Variants in ASXL3 observed in about 807,000 individuals in gnomAD.
ASXL3 encodes putative Polycomb group protein ASXL3.
A neutral mutation model predicts 170.6 loss-of-function variants in ASXL3; 34 were observed. That is an observed-to-expected ratio of 0.20 (90% CI 0.15 to 0.27). ASXL3 has a LOEUF of 0.27. Among genes scored for constraint, ASXL3 ranks in the 10% least tolerant of loss-of-function variants. The pLI is 1.00. For synonymous variants in ASXL3, 1,002 were observed against 989.1 expected (o/e 1.01, Z -0.24); for missense variants, 2,592 against 2,695.3 (o/e 0.96, Z 0.85).
intron 8 of ASXL3, among the ~76,000 whole-genome samples, chr18:33,685,343 A>G (rs2066576681): frequency 6.6e-6 from 1 of 152,212 alleles, no homozygotes; most frequent in South Asian, 2.1e-4. Flanking sequence ...CAGTAGTCAC[A>G]ATTTTACATT....
chr18:33,744,715 ACTCACT>A lies in ASXL3; in HGVS notation c.4869_4874del (p.His1624_Ser1625del). 1 of 1,613,044 alleles carries A rather than the reference ACTCACT, an allele frequency of 6.2e-7. No homozygotes were observed. The highest frequency in any genetic ancestry group is 8.5e-7 in the Non-Finnish European group (1 of 1,179,402). ...GAGGAGCACAGGACAGCCTCTGGTT[ACTCACT>A]CGGGTTCAAGTAAACAAAAAGAATA... On this transcript the variant is annotated inframe_deletion, in exon 12 of 12. Transcript: ENST00000269197.
intron 8 of ASXL3, among the ~76,000 whole-genome samples, chr18:33,717,142 G>C (rs987357915): frequency 6.6e-6 from 1 of 152,204 alleles, no homozygotes; most frequent in East Asian, 1.9e-4. Flanking sequence ...CTGAGTAATA[G>C]GACTGATTTT....
At chr18:33,602,264 T>C (rs2065191639) in intron 1 of ASXL3, among the ~76,000 whole-genome samples, 1 of 152,032 alleles carries the variant, frequency 6.6e-6, no homozygotes, top group Non-Finnish European at 1.5e-5. Context: ...ATGAAACCAG[T>C]CCCTGGTGCC....
Position 33,746,358 on chromosome 18 carries a change from A to C in ASXL3, c.6510A>C (p.Ala2170=). 1 of 1,613,994 alleles carries C rather than the reference A, an allele frequency of 6.2e-7. No homozygotes were observed. The highest frequency in any genetic ancestry group is 1.1e-5 in the South Asian group (1 of 91,080). ...CGAGTTTCAAAAGGGCAGCATCTGC[A>C]ATTGAAAAGTCCATTGGGATTTTGG... ...GSTSFKRAAS[A]IEKSIGILGS... The change falls in exon 12 of 12, where the codon GCA becomes GCC. Residue 2170 remains alanine, a synonymous_variant. Transcript: ENST00000269197.
In ASXL3 at chr18:33,745,137, G is replaced by T. The variant is rs1266416107; in HGVS notation, c.5289G>T (p.Val1763=). ...LLQGNLPLEK[V]LPQPRLGAKL... is the part of the protein sequence containing the mutation. Reference sequence around the variant, plus strand: ...AGGGCAACCTGCCTTTGGAAAAAGTGTTGCCACAGCCCAGATTGGGAGCCA... The same window carrying T: ...AGGGCAACCTGCCTTTGGAAAAAGTTTTGCCACAGCCCAGATTGGGAGCCA... The change falls in exon 12 of 12, where the codon GTG becomes GTT. Residue 1763 remains valine, a synonymous_variant. Transcript: ENST00000269197. 1.1e-5 allele frequency: 17 copies of T among 1,613,882 alleles called. No individual in the cohort carries two copies. The highest frequency in any genetic ancestry group is 1.4e-5 in the Non-Finnish European group (17 of 1,179,910).
intron 2 of ASXL3, among the ~76,000 whole-genome samples, chr18:33,611,592 C>T (rs796399137): frequency 1.2e-4 from 19 of 152,094 alleles, no homozygotes; most frequent in African/African-American, 3.9e-4. Flanking sequence ...CTTCTATAGA[C>T]GGGATTAAAA....
At chr18:33,648,379 G>A (rs1347389724) in intron 4 of ASXL3, among the ~76,000 whole-genome samples, 1 of 152,096 alleles carries the variant, frequency 6.6e-6, no homozygotes, top group Non-Finnish European at 1.5e-5. Context: ...GTGAGTGTAA[G>A]ATAGAGAAAG....
intron 4 of ASXL3, among the ~76,000 whole-genome samples, chr18:33,651,104 C>T (rs2065990427): frequency 6.6e-6 from 1 of 152,134 alleles, no homozygotes; most frequent in South Asian, 2.1e-4. Flanking sequence ...AGTAGCCAGT[C>T]ATCATTGGTA....
chr18:33,743,651 A>T lies in ASXL3; in HGVS notation c.3803A>T (p.Asp1268Val). Residue 1268 changes from aspartate (D) to valine (V), a missense_variant, in exon 12 of 12, where the codon GAC becomes GTC. Coordinates refer to ENST00000269197, the MANE Select transcript of ASXL3 (RefSeq NM_030632.3). ...AAATCCTCTGTCCTAATGTCTGTTG[A>T]CAGTGCAAACACTACAATTTCTGCT... ...VDKSSVLMSV[D>V]SANTTISACN... 6.2e-7 allele frequency: 1 copy of T among 1,613,794 alleles called. No homozygotes were observed. Among genetic ancestry groups the T allele is most frequent in the Non-Finnish European group, 8.5e-7 (1 of 1,179,886 alleles).
At chr18:33,609,408 ACT>A (rs1364443779) in intron 2 of ASXL3, among the ~76,000 whole-genome samples, 1 of 151,844 alleles carries the variant, frequency 6.6e-6, no homozygotes, top group Non-Finnish European at 1.5e-5. Context: ...CACAGGAATG[ACT>A]CTGCTGTTAT....
In ASXL3 at chr18:33,746,563, A is replaced by G. The variant is rs933358609; in HGVS notation, c.6715A>G (p.Lys2239Glu). The G allele has an allele frequency of 6.3e-6, 10 of 1,597,718 alleles. No homozygotes were observed. Among genetic ancestry groups the G allele is most frequent in the Non-Finnish European group, 5.1e-6 (6 of 1,168,814 alleles). The change falls in exon 12 of 12, where the codon AAA becomes GAA. Residue 2239 changes from lysine to glutamate, a missense_variant. Lys to Glu is a moderately conservative substitution (Grantham distance 56). Around this residue, in one of 4 missense-constraint regions of ASXL3, gnomAD observed 22 missense variants for 51.1 expected, o/e 0.43. Transcript: ENST00000269197. ...FCHDDCIGPS[K>E]LCVACLVVR Reference sequence around the variant, plus strand: ...CCATGACGACTGCATAGGTCCTTCAAAACTTTGTGTAGCATGCCTGGTTGT... The same window carrying G: ...CCATGACGACTGCATAGGTCCTTCAGAACTTTGTGTAGCATGCCTGGTTGT...
In ASXL3 at chr18:33,652,603, C is replaced by CAAAAAAAAAAAAAAAAAAAA. The variant is rs554834298; in HGVS notation, c.355+6263_355+6264insAAAAAAAAAAAAAAAAAAAA. 2.6e-4 allele frequency among the ~76,000 whole-genome samples: 29 copies of CAAAAAAAAAAAAAAAAAAAA among 112,306 alleles called. 1 individual carries two copies. The highest frequency in any genetic ancestry group is 9.7e-4 in the African/African-American group (28 of 28,746). 73.7% of individuals were successfully genotyped at this position (112,306 alleles called of 152,430 possible). On this transcript the variant is annotated intron_variant, in intron 4 of 11. Transcript: ENST00000269197. Reference sequence around the variant, plus strand: ...AGTATTTTAAAAGTTTCTGTTGGGGCAAAAAAAAAAAAAGAACATGAATCT... The same window carrying CAAAAAAAAAAAAAAAAAAAA: ...AGTATTTTAAAAGTTTCTGTTGGGGCAAAAAAAAAAAAAAAAAAAAAAAAAAAAAAAAAGAACATGAATCT...
intron 4 of ASXL3, among the ~76,000 whole-genome samples, chr18:33,659,193 T>G (rs1255623525): frequency 1.3e-5 from 2 of 152,090 alleles, no homozygotes; most frequent in Admixed American, 6.6e-5. Context: ...CTCAATTACA[T>G]GTACACTGGG....
At chr18:33,650,119 A>G (rs1313622659) in intron 4 of ASXL3, among the ~76,000 whole-genome samples, 3 of 152,118 alleles carry the variant, frequency 2.0e-5, no homozygotes, top group Non-Finnish European at 4.4e-5. Flanking sequence ...TGCATAAGAT[A>G]TTAGAGAATC....
At chr18:33,580,392 A>T (rs1169142264) in intron 1 of ASXL3, among the ~76,000 whole-genome samples, 2 of 152,238 alleles carry the variant, frequency 1.3e-5, no homozygotes, top group African/African-American at 2.4e-5. Flanking sequence ...AAGGCTTCTG[A>T]AAATGCATTA....
chr18:33,630,448 A>G (rs2145170699), intron 2 of ASXL3, among the ~76,000 whole-genome samples: 1 of 152,060 alleles, frequency 6.6e-6, no homozygotes, highest in African/African-American at 2.4e-5. Context: ...ACTTCTAATC[A>G]AAATGGAAAC....
intron 1 of ASXL3, among the ~76,000 whole-genome samples, chr18:33,589,841 C>T (rs1307961771): frequency 6.6e-6 from 1 of 152,128 alleles, no homozygotes; most frequent in African/African-American, 2.4e-5. Context: ...TTATGTGCTT[C>T]ATGCTGAACT....
At chr18:33,690,825 G>A (rs1440884871) in intron 8 of ASXL3, among the ~76,000 whole-genome samples, 1 of 152,118 alleles carries the variant, frequency 6.6e-6, no homozygotes, top group East Asian at 1.9e-4. Context: ...GACTCTTGAT[G>A]ACAGGCCACC....
At position 33,731,983 on chromosome 18, in the gene ASXL3, A is replaced by T. The variant is rs762844143; in HGVS notation, c.895A>T (p.Ile299Phe). 1.2e-6 allele frequency: 2 copies of T among 1,612,170 alleles called. No homozygotes were observed. Among genetic ancestry groups the T allele is most frequent in the East Asian group, 4.5e-5 (2 of 44,858 alleles). Residue 299 changes from isoleucine (I) to phenylalanine (F), a missense_variant, in exon 9 of 12, where the codon ATT becomes TTT. Physicochemically the swap from Ile to Phe is conservative, Grantham distance 21. Around this residue, in one of 4 missense-constraint regions of ASXL3, gnomAD observed 73 missense variants for 142.7 expected, o/e 0.51. Transcript: ENST00000269197. ...ATTTTCCTAGATGGGAAGTGATGGA[A>T]TTTTACGCCTCAGTACTTCAGCTCT... ...EVDRQMGSDG[I>F]LRLSTSALNN...
Sources: allele counts gnomAD v4.1 joint callset (sites outside exome capture counted in the v4.1 genomes callset), GRCh38; gene constraint gnomAD v4.1.1; regional missense constraint gnomAD v4.1.1; transcripts MANE v1.5; gene names NCBI Gene and HGNC (gene_info 2026-07-23, HGNC 2026-07-21).